CASD1: variants seen among roughly 807,000 people sequenced by gnomAD.
CASD1 encodes N-acetylneuraminate (7)9-O-acetyltransferase.
In CASD1, 41 loss-of-function variants were observed where a neutral mutation model predicts 100.0. The ratio of observed to expected loss-of-function variants is 0.41; its 90% CI spans 0.32 to 0.53. CASD1 has a LOEUF of 0.53. Ranked by LOEUF, CASD1 falls within the 20% of genes least tolerant of loss-of-function variation. The probability of loss-of-function intolerance (pLI) is 0.25; values close to 1 mark genes in which losing one functional copy is unlikely to be tolerated. For missense variants in CASD1, 774 were observed against 948.7 expected (o/e 0.82, Z 2.42); for synonymous variants, 321 against 315.6 (o/e 1.02, Z -0.18).
At chr7:94,612,537 T>C in the CASD1 span, among the ~76,000 whole-genome samples, 4 of 152,346 alleles carry the variant, frequency 2.6e-5, no homozygotes, top group Admixed American at 6.5e-5. Context: ...ACATGATTTA[T>C]TCCGCAATTA....
At chr7:94,633,806 G>A in the CASD1 span, among the ~76,000 whole-genome samples, 1 of 152,050 alleles carries the variant, frequency 6.6e-6, no homozygotes, top group Non-Finnish European at 1.5e-5. Context: ...ATGGTGGTAC[G>A]CTGCCAATGA....
At chr7:94,584,122 A>C in the CASD1 span, among the ~76,000 whole-genome samples, 3 of 152,208 alleles carry the variant, frequency 2.0e-5, no homozygotes, top group African/African-American at 7.2e-5. Context: ...GCAATCTCCA[A>C]ATGGCTTCTT....
At chr7:94,535,598 TG>T in intron 8 of CASD1, 75 bp downstream of exon 8, 10 of 1,019,108 alleles carry the variant, frequency 9.8e-6, no homozygotes, top group Non-Finnish European at 1.5e-5. Context: ...CATTATAACA[TG>T]GTTATAAATA....
intron 1 of CASD1, among the ~76,000 whole-genome samples, chr7:94,517,188 G>A (rs1794019963): frequency 6.6e-6 from 1 of 152,154 alleles, no homozygotes; most frequent in Non-Finnish European, 1.5e-5. Context: ...ACAGGTGTGA[G>A]CCACCGTGCC....
chr7:94,573,350 C>T, the CASD1 span, among the ~76,000 whole-genome samples: 1 of 152,166 alleles, frequency 6.6e-6, no homozygotes, highest in Admixed American at 6.5e-5. Flanking sequence ...CGGTCCTTCC[C>T]GTCCATGAGC....
the CASD1 span, among the ~76,000 whole-genome samples, chr7:94,616,433 T>C: frequency 6.6e-6 from 1 of 152,204 alleles, no homozygotes; most frequent in African/African-American, 2.4e-5. Flanking sequence ...TTCTGAAGTG[T>C]ATGAATATAT....
chr7:94,554,649 A>G, intron 17 of CASD1, 74 bp downstream of exon 17: 1 of 886,674 alleles, frequency 1.1e-6, no homozygotes, highest in Admixed American at 2.0e-5. Flanking sequence ...GTGTGTGTGT[A>G]AATATCACAC....
chr7:94,537,832 T>G lies in CASD1; in HGVS notation c.1204T>G (p.Phe402Val). The G allele has an allele frequency of 6.3e-7, 1 of 1,586,456 alleles. No homozygotes were observed. The highest frequency in any genetic ancestry group is 8.7e-7 in the Non-Finnish European group (1 of 1,155,280). The change falls in exon 9 of 18, where the codon TTC becomes GTC. Residue 402 changes from phenylalanine to valine, a missense_variant. Transcript: ENST00000297273. ...KENKFYTHSS[F>V]FIPIIYILVL... ...AAACAAATTTTATACACATTCATCT[T>G]TCTTTATTCCAATTATCTACATTTT... is the stretch of plus-strand genomic sequence containing the variant.
chr7:94,544,284 A>G (rs901015128), intron 10 of CASD1, 127 bp from the exon 11 acceptor site: 7 of 1,161,960 alleles, frequency 6.0e-6, no homozygotes, highest in Non-Finnish European at 8.7e-6. Flanking sequence ...TTTGAGAATC[A>G]ACTTTGTGAT....
At chr7:94,552,163 T>C in intron 15 of CASD1, 187 bp from the exon 16 acceptor site, 1 of 547,146 alleles carries the variant, frequency 1.8e-6, no homozygotes, top group Non-Finnish European at 3.1e-6. Context: ...TGCTTTCTTA[T>C]GTTTGGACAG....
downstream of CASD1, among the ~76,000 whole-genome samples, chr7:94,557,423 A>C (rs958352354): frequency 6.6e-6 from 1 of 152,084 alleles, no homozygotes; most frequent in Non-Finnish European, 1.5e-5. Context: ...CAGCCTTATA[A>C]GTAGAGAATA....
chr7:94,585,445 G>T, the CASD1 span: 1 of 1,536,834 alleles, frequency 6.5e-7, no homozygotes, highest in Non-Finnish European at 9.0e-7. Context: ...GAAATGTGAT[G>T]TAACTGCTAT....
chr7:94,517,311 A>G (rs1794029561), intron 1 of CASD1, among the ~76,000 whole-genome samples: 1 of 152,198 alleles, frequency 6.6e-6, no homozygotes, highest in South Asian at 2.1e-4. Flanking sequence ...AGCAGAAGGA[A>G]CTGCCAGAGC....
the CASD1 span, chr7:94,585,397 A>T: frequency 9.8e-7 from 1 of 1,018,446 alleles, no homozygotes. Context: ...CATGCATAAC[A>T]TATGCCAGAA....
the CASD1 span, among the ~76,000 whole-genome samples, chr7:94,606,394 T>C: frequency 6.6e-6 from 1 of 152,184 alleles, no homozygotes; most frequent in Admixed American, 6.5e-5. Context: ...AGGCATTACA[T>C]AATGATAAAG....
At chr7:94,579,772 C>T in the CASD1 span, among the ~76,000 whole-genome samples, 3 of 152,162 alleles carry the variant, frequency 2.0e-5, no homozygotes, top group Non-Finnish European at 4.4e-5. Context: ...CCAATCATAG[C>T]ACCAGTCCGA....
At chr7:94,598,646 A>G in the CASD1 span, 2 of 772,380 alleles carry the variant, frequency 2.6e-6, no homozygotes, top group Non-Finnish European at 4.6e-6. Context: ...AGATTTACAC[A>G]ATGTCCTTTT....
At chr7:94,605,405 CAGAT>C in the CASD1 span, among the ~76,000 whole-genome samples, 1 of 152,076 alleles carries the variant, frequency 6.6e-6, no homozygotes, top group Non-Finnish European at 1.5e-5. Flanking sequence ...ATTGATCTAA[CAGAT>C]AACTTGTTTA....
chr7:94,521,464 CAATT>C (rs900690622), intron 3 of CASD1, among the ~76,000 whole-genome samples: 109 of 152,116 alleles, frequency 7.2e-4, no homozygotes, highest in African/African-American at 2.5e-3. Context: ...TAAATGATCA[CAATT>C]AAAGTGTTCT....
Sources: gnomAD v4.1 joint callset for allele counts (sites outside exome capture counted in the v4.1 genomes callset) on GRCh38, gnomAD v4.1.1 for gene constraint, MANE v1.5 for transcripts, NCBI Gene and HGNC (gene_info 2026-07-23, HGNC 2026-07-21) for gene names.